OPCML: variants seen among roughly 807,000 people sequenced by gnomAD.
OPCML encodes opioid binding protein/cell adhesion molecule like, also known as opioid-binding protein/cell adhesion molecule.
OPCML carries 13 observed loss-of-function variants against 37.8 expected under a neutral mutation model. The ratio of observed to expected loss-of-function variants is 0.34; its 90% confidence interval spans 0.22 to 0.55. OPCML has a LOEUF of 0.55. Among genes scored for constraint, OPCML ranks in the 20% least tolerant of loss-of-function variants. The probability of loss-of-function intolerance (pLI) is 0.91; values close to 1 mark genes in which losing one functional copy is unlikely to be tolerated. For missense variants in OPCML, 341 were observed against 435.6 expected, an observed-to-expected ratio of 0.78 and a Z score of 1.93; for synonymous variants, 176 against 168.8, an observed-to-expected ratio of 1.04 and a Z score of -0.33.
chr11:133,192,307 G>GAT (rs1565495328), intron 1 of OPCML, among the ~76,000 whole-genome samples: 2 of 152,180 alleles, frequency 1.3e-5, no homozygotes, highest in Admixed American at 6.5e-5. Flanking sequence ...TCTGCAGATT[G>GAT]ATAGCCCTAT....
intron 1 of OPCML, among the ~76,000 whole-genome samples, chr11:133,462,674 A>G (rs1946883950): frequency 6.6e-6 from 1 of 152,144 alleles, no homozygotes; most frequent in Non-Finnish European, 1.5e-5. Context: ...AAAATACCAG[A>G]GAATAACAAG....
chr11:132,429,690 A>T (rs779429761), intron 7 of OPCML, among the ~76,000 whole-genome samples: 4 of 152,218 alleles, frequency 2.6e-5, no homozygotes, highest in Non-Finnish European at 5.9e-5. Context: ...ATCAATCTTC[A>T]GTGTGCATAG....
intron 2 of OPCML, among the ~76,000 whole-genome samples, chr11:132,902,869 T>C (rs1334763056): frequency 6.6e-6 from 1 of 151,980 alleles, no homozygotes; most frequent in East Asian, 1.9e-4. Flanking sequence ...TTTCATCTAT[T>C]CTCATAAAGG....
chr11:133,210,888 G>A (rs1469240164), intron 1 of OPCML, among the ~76,000 whole-genome samples: 1 of 152,152 alleles, frequency 6.6e-6, no homozygotes, highest in Non-Finnish European at 1.5e-5. Flanking sequence ...TGTGCGGTTA[G>A]AATGTTTTGG....
chr11:132,511,291 G>T (rs7107060), intron 4 of OPCML, among the ~76,000 whole-genome samples: 31,663 of 151,724 alleles, frequency 0.21, 3,374 homozygotes, highest in Non-Finnish European at 0.23. Flanking sequence ...ACTTAATAAA[G>T]GGAAGAATAT....
intron 2 of OPCML, among the ~76,000 whole-genome samples, chr11:132,841,860 CAAAAAAAAAAAAAAA>C (rs71067402): frequency 4.0e-4 from 14 of 34,686 alleles, no homozygotes; most frequent in African/African-American, 1.5e-3. Flanking sequence ...CACTCTATCT[CAAAAAAAAAAAAAAA>C]AAAAAAAAAA....
At chr11:133,241,021 G>T (rs1031703844) in intron 1 of OPCML, among the ~76,000 whole-genome samples, 1 of 152,156 alleles carries the variant, frequency 6.6e-6, no homozygotes, top group Non-Finnish European at 1.5e-5. Flanking sequence ...CTTAAAGAAA[G>T]TTGAGGAACT....
chr11:132,952,768 A>G (rs1458739739), intron 1 of OPCML, among the ~76,000 whole-genome samples: 1 of 152,094 alleles, frequency 6.6e-6, no homozygotes. Context: ...TCCTCACAGG[A>G]TGGCTGTGAG....
At chr11:132,553,269 C>G (rs112125282) in intron 3 of OPCML, among the ~76,000 whole-genome samples, 1 of 152,148 alleles carries the variant, frequency 6.6e-6, no homozygotes, top group Non-Finnish European at 1.5e-5. Context: ...ACAGATGGAT[C>G]GTGGCTTATG....
intron 1 of OPCML, among the ~76,000 whole-genome samples, chr11:133,403,369 G>A (rs532408725): frequency 1.3e-5 from 2 of 152,276 alleles, no homozygotes; most frequent in South Asian, 2.1e-4. Flanking sequence ...TACACAACAG[G>A]CCATTTGATA....
intron 1 of OPCML, among the ~76,000 whole-genome samples, chr11:133,490,241 T>C (rs1372979954): frequency 6.6e-6 from 1 of 152,192 alleles, no homozygotes; most frequent in Non-Finnish European, 1.5e-5. Context: ...GTTGTAATTC[T>C]CAACAGGAAC....
intron 2 of OPCML, among the ~76,000 whole-genome samples, chr11:132,790,472 A>G (rs1937825637): frequency 6.6e-6 from 1 of 152,250 alleles, no homozygotes; most frequent in East Asian, 1.9e-4. Context: ...CCTGTGAACC[A>G]TAAGTGAGAA....
rs145895687 is a variant in OPCML, at chr11:132,720,084, G to A, written c.147-62765C>T. ...CGGTAAAATGCTTGCACTGGAAAGG[G>A]AAATATCTCATAACAAATAAATGAA... On this transcript the variant is annotated intron_variant, in intron 2 of 7. Transcript: ENST00000524381. 2.9e-3 allele frequency among the ~76,000 whole-genome samples: 448 copies of A among 152,326 alleles called. 1 individual carries two copies. The highest frequency in any genetic ancestry group is 0.01 in the African/African-American group (427 of 41,578).
chr11:133,198,568 T>C (rs1938630068), intron 1 of OPCML, among the ~76,000 whole-genome samples: 1 of 152,212 alleles, frequency 6.6e-6, no homozygotes, highest in African/African-American at 2.4e-5. Flanking sequence ...AAAGGCGTTG[T>C]CAGGGGAGAC....
intron 2 of OPCML, among the ~76,000 whole-genome samples, chr11:132,695,647 G>C (rs548839044): frequency 6.6e-6 from 1 of 152,124 alleles, no homozygotes; most frequent in African/African-American, 2.4e-5. Context: ...CAAAAGATGA[G>C]GGCAGCCAGC....
intron 3 of OPCML, among the ~76,000 whole-genome samples, chr11:132,653,597 G>A (rs957132759): frequency 6.6e-6 from 1 of 152,216 alleles, no homozygotes; most frequent in African/African-American, 2.4e-5. Flanking sequence ...TCAGTGACAC[G>A]ATTTTAATGA....
rs1392651324 is a variant in OPCML, at chr11:133,329,044, C to T, written c.61+203220G>A. 2.0e-5 allele frequency among the ~76,000 whole-genome samples: 3 copies of T among 152,142 alleles called. No homozygotes were observed. In the South Asian group the frequency reaches 6.2e-4, roughly 32 times the overall value. On this transcript the variant is annotated intron_variant, in intron 1 of 7. Transcript: ENST00000524381. ...AGCATTCTTATACACCAATAACAGA[C>T]AAACAGAGAGCCAAATCATGAGTGA...
intron 4 of OPCML, among the ~76,000 whole-genome samples, chr11:132,483,763 C>G (rs1322543085): frequency 2.0e-5 from 3 of 151,776 alleles, no homozygotes; most frequent in Non-Finnish European, 4.4e-5. Context: ...AATAATGCCA[C>G]ATATCTACAA....
At chr11:132,695,337 G>A (rs1943563849) in intron 2 of OPCML, among the ~76,000 whole-genome samples, 1 of 152,156 alleles carries the variant, frequency 6.6e-6, no homozygotes, top group Non-Finnish European at 1.5e-5. Context: ...GAAAGGCAGT[G>A]ATGGTATGGT....
Sources: allele counts gnomAD v4.1 joint callset (sites outside exome capture counted in the v4.1 genomes callset), GRCh38; gene constraint gnomAD v4.1.1; transcripts MANE v1.5; gene names NCBI Gene and HGNC (gene_info 2026-07-23, HGNC 2026-07-21).